ADAM22: variants seen among roughly 807,000 people sequenced by gnomAD.
The protein encoded by ADAM22 is disintegrin and metalloproteinase domain-containing protein 22.
ADAM22 carries 65 observed loss-of-function variants against 144.6 expected under a neutral mutation model. The observed-to-expected ratio is 0.45, with a 90% confidence interval of 0.37 to 0.55. The LOEUF is 0.55. ADAM22 is among the 20% of genes least tolerant of loss of function. The probability of loss-of-function intolerance (pLI) is 0.00; values close to 1 mark genes in which losing one functional copy is unlikely to be tolerated. For missense variants in ADAM22, 974 were observed against 1,184.9 expected (o/e 0.82, Z 2.61); for synonymous variants, 391 against 412.6 (o/e 0.95, Z 0.63).
In ADAM22 at chr7:88,134,371, T is replaced by G; in HGVS notation, c.1120T>G (p.Leu374Val). ...DLMAVTLAQS[L>V]AHNIGIISDK... ...AATGGCTGTTACACTTGCCCAGTCA[T>G]TAGCCCATAATATTGGTATTATCTC... The change falls in exon 13 of 32, where the codon TTA becomes GTA. Residue 374 changes from leucine to valine, a missense_variant. Leu to Val is a conservative substitution (Grantham distance 32). Around this residue, in one of 2 missense-constraint regions of ADAM22, gnomAD observed 734 missense variants for 950.6 expected, o/e 0.77. Coordinates refer to ENST00000413139, the MANE Select transcript of ADAM22 (RefSeq NM_001324418.2). 1.2e-6 allele frequency: 2 copies of G among 1,610,746 alleles called. No individual in the cohort carries two copies. Among genetic ancestry groups the G allele is most frequent in the Non-Finnish European group, 1.7e-6 (2 of 1,178,958 alleles).
intron 3 of ADAM22, 83 bp from the exon 4 acceptor site, chr7:88,075,542 CA>C (rs1256097925): frequency 3.4e-6 from 4 of 1,160,800 alleles, no homozygotes; most frequent in Non-Finnish European, 5.2e-6. Flanking sequence ...ATTGTTAAAG[CA>C]GATATGTGTA....
At chr7:87,946,758 C>T (rs1843773870) in intron 2 of ADAM22, among the ~76,000 whole-genome samples, 1 of 152,164 alleles carries the variant, frequency 6.6e-6, no homozygotes, top group South Asian at 2.1e-4. Context: ...CACATGCACT[C>T]ATGTTCATTG....
At chr7:88,170,692 G>T (rs983924793) in intron 25 of ADAM22, among the ~76,000 whole-genome samples, 1 of 151,956 alleles carries the variant, frequency 6.6e-6, no homozygotes, top group East Asian at 1.9e-4. Context: ...TGTTACCAAT[G>T]AAATCCATAT....
intron 23 of ADAM22, among the ~76,000 whole-genome samples, chr7:88,163,710 C>T (rs1842301744): frequency 6.6e-6 from 1 of 151,998 alleles, no homozygotes. Flanking sequence ...ATTTGAAAGA[C>T]TTTTAATTCT....
intron 3 of ADAM22, among the ~76,000 whole-genome samples, chr7:88,053,595 AG>A (rs1807201816): frequency 3.4e-5 from 1 of 29,384 alleles, no homozygotes; most frequent in Non-Finnish European, 7.5e-5. Flanking sequence ...AAGGAAGGAA[AG>A]AAAGAAAGAA....
chr7:87,967,041 G>C (rs2129446410), intron 2 of ADAM22, among the ~76,000 whole-genome samples: 1 of 151,996 alleles, frequency 6.6e-6, no homozygotes, highest in East Asian at 1.9e-4. Context: ...GTTTTATAAG[G>C]GGCTTTTCCC....
chr7:87,958,373 T>A (rs1229073966), intron 2 of ADAM22, among the ~76,000 whole-genome samples: 2 of 152,056 alleles, frequency 1.3e-5, no homozygotes, highest in Admixed American at 6.6e-5. Context: ...AAAGTTTTTT[T>A]AAATTTTTTT....
intron 3 of ADAM22, among the ~76,000 whole-genome samples, chr7:88,029,542 C>T (rs554657266): frequency 1.3e-5 from 2 of 151,998 alleles, no homozygotes; most frequent in Non-Finnish European, 2.9e-5. Flanking sequence ...CTGTGTTTTT[C>T]TGTGTACTTA....
chr7:88,091,161 A>G (rs1819737115), intron 4 of ADAM22, among the ~76,000 whole-genome samples: 1 of 152,132 alleles, frequency 6.6e-6, no homozygotes, highest in Non-Finnish European at 1.5e-5. Flanking sequence ...ACTCAGTCTT[A>G]GGGGCAAATA....
At chr7:88,113,004 G>C (rs900615530) in intron 5 of ADAM22, among the ~76,000 whole-genome samples, 1 of 152,018 alleles carries the variant, frequency 6.6e-6, no homozygotes, top group Non-Finnish European at 1.5e-5. Flanking sequence ...TTCCAGATGT[G>C]AGCCCCATGC....
intron 30 of ADAM22, among the ~76,000 whole-genome samples, chr7:88,188,318 G>GTCAC (rs1848812665): frequency 6.6e-6 from 1 of 152,074 alleles, no homozygotes; most frequent in Non-Finnish European, 1.5e-5. Context: ...AGAGAAAGAG[G>GTCAC]TCACGTTTCT....
intron 30 of ADAM22, among the ~76,000 whole-genome samples, chr7:88,188,157 G>A (rs1468323016): frequency 1.3e-5 from 2 of 152,044 alleles, no homozygotes; most frequent in Non-Finnish European, 2.9e-5. Context: ...TACCAGCCAT[G>A]GAACCAAAAC....
At chr7:88,164,605 C>T (rs569028397) in intron 23 of ADAM22, among the ~76,000 whole-genome samples, 1 of 152,116 alleles carries the variant, frequency 6.6e-6, no homozygotes, top group Non-Finnish European at 1.5e-5. Context: ...AGCTGGGTAA[C>T]ATTGGGCAAA....
chr7:88,028,675 G>A (rs1799559343), intron 3 of ADAM22, among the ~76,000 whole-genome samples: 1 of 151,754 alleles, frequency 6.6e-6, no homozygotes, highest in Non-Finnish European at 1.5e-5. Flanking sequence ...TGTTGAGTGT[G>A]TGTATATATA....
intron 3 of ADAM22, among the ~76,000 whole-genome samples, chr7:87,988,548 T>G (rs968409515): frequency 4.6e-5 from 7 of 152,232 alleles, no homozygotes; most frequent in Non-Finnish European, 1.0e-4. Flanking sequence ...TATTTCCATA[T>G]TAATTGTATA....
intron 3 of ADAM22, among the ~76,000 whole-genome samples, chr7:88,034,673 A>G (rs1801080817): frequency 6.6e-6 from 1 of 152,142 alleles, no homozygotes; most frequent in East Asian, 1.9e-4. Context: ...GAAGCACTTT[A>G]GCCTCAGGTA....
At chr7:88,034,601 G>C (rs973111247) in intron 3 of ADAM22, among the ~76,000 whole-genome samples, 41 of 152,152 alleles carry the variant, frequency 2.7e-4, no homozygotes, top group African/African-American at 9.9e-4. Context: ...ACAGCACTAG[G>C]ACTTGCTTAG....
At position 88,201,744 on chromosome 7, in the gene ADAM22, GT is replaced by G. The variant is rs1851218542; in HGVS notation, c.*5258del. ...GAAATCAAAACCAGGCAATATGTGT[GT>G]TTTTGGTTTTGTTTTACAAAAAGGC... On this transcript the variant is annotated 3_prime_UTR_variant, in exon 32 of 32. Transcript: ENST00000413139. The G allele has an allele frequency of 6.6e-6, 1 of 152,094 alleles. No individual in the cohort carries two copies. Among genetic ancestry groups the G allele is most frequent in the Non-Finnish European group, 1.5e-5 (1 of 68,008 alleles). 9.4% of individuals were successfully genotyped at this position (152,094 alleles called of 1,614,324 possible).
intron 3 of ADAM22, among the ~76,000 whole-genome samples, chr7:87,990,936 T>G (rs1789683097): frequency 6.6e-6 from 1 of 152,214 alleles, no homozygotes; most frequent in South Asian, 2.1e-4. Context: ...AGTGCTGGGA[T>G]TGCAGACGTG....
Sources: allele counts gnomAD v4.1 joint callset (sites outside exome capture counted in the v4.1 genomes callset), GRCh38; gene constraint gnomAD v4.1.1; regional missense constraint gnomAD v4.1.1; transcripts MANE v1.5; gene names NCBI Gene and HGNC (gene_info 2026-07-23, HGNC 2026-07-21).